XPO4: variants seen among roughly 807,000 people sequenced by gnomAD.
XPO4 encodes the protein exportin-4.
Under a neutral mutation model 143.0 loss-of-function variants are expected in XPO4, and 39 were observed. That is an observed-to-expected ratio of 0.27 (90% CI 0.21 to 0.36). XPO4 has a LOEUF of 0.36. Ranked by LOEUF, XPO4 falls within the 10% of genes least tolerant of loss-of-function variation. The pLI is 1.00. For missense variants in XPO4, 907 were observed against 1,348.0 expected, an observed-to-expected ratio of 0.67 and a Z score of 5.12; for synonymous variants, 439 against 474.0, an observed-to-expected ratio of 0.93 and a Z score of 0.96.
chr13:20,886,470 G>A (rs1339902384), intron 1 of XPO4, among the ~76,000 whole-genome samples: 4 of 151,962 alleles, frequency 2.6e-5, no homozygotes. Context: ...AAAATTAGTT[G>A]TAGTGGTGAC....
chr13:20,787,361 G>T, intron 21 of XPO4, 120 bp downstream of exon 21: 2 of 929,656 alleles, frequency 2.2e-6, no homozygotes, highest in Non-Finnish European at 3.4e-6. Context: ...TGAACAGGAA[G>T]TCATGGTTTC....
intron 1 of XPO4, among the ~76,000 whole-genome samples, chr13:20,876,235 C>G (rs2060351228): frequency 7.0e-6 from 1 of 143,016 alleles, no homozygotes; most frequent in Admixed American, 7.1e-5. Flanking sequence ...GCACTCTAGC[C>G]TGGACAATGA....
chr13:20,797,074 G>A lies in XPO4; in HGVS notation c.2323-17C>T, dbSNP rs1160346231. 5.2e-6 allele frequency: 8 copies of A among 1,549,536 alleles called. No homozygotes were observed. The highest frequency in any genetic ancestry group is 6.9e-6 in the Non-Finnish European group (8 of 1,151,332). On this transcript the variant is annotated splice_polypyrimidine_tract_variant and intron_variant, in intron 16 of 22. Coordinates refer to ENST00000255305, the MANE Select transcript of XPO4 (RefSeq NM_022459.5). Reference sequence around the variant, plus strand: ...CTGAAGAACCTATAAAAATAAACCAGGAATTTTCTTAAAGCTCAGTTCTCA... The same window carrying A: ...CTGAAGAACCTATAAAAATAAACCAAGAATTTTCTTAAAGCTCAGTTCTCA...
chr13:20,818,544 CAA>C (rs2059679411), intron 9 of XPO4, among the ~76,000 whole-genome samples: 1 of 152,134 alleles, frequency 6.6e-6, no homozygotes, highest in African/African-American at 2.4e-5. Flanking sequence ...CACAGTAAAA[CAA>C]AGTCTTACAT....
At chr13:20,858,778 G>GTA in intron 3 of XPO4, among the ~76,000 whole-genome samples, 1 of 152,148 alleles carries the variant, frequency 6.6e-6, no homozygotes, top group Middle Eastern at 3.4e-3. Context: ...GGCTGAGGCA[G>GTA]TAGAATCGCT....
rs978280763 is a variant in XPO4, at chr13:20,778,212, C to T, written c.*5510G>A. On this transcript the variant is annotated 3_prime_UTR_variant, in exon 23 of 23. Coordinates refer to ENST00000255305, the MANE Select transcript of XPO4 (RefSeq NM_022459.5). Reference sequence around the variant, plus strand: ...ACAGATGATTAGCCTGTGTGTATGGCCCCACACTTGGTAATGAAAGAAACA... The same window carrying T: ...ACAGATGATTAGCCTGTGTGTATGGTCCCACACTTGGTAATGAAAGAAACA... 7.2e-5 allele frequency: 11 copies of T among 152,228 alleles called. No homozygotes were observed. Among genetic ancestry groups the T allele is most frequent in the African/African-American group, 2.6e-4 (11 of 41,554 alleles). 9.4% of individuals were successfully genotyped at this position (152,228 alleles called of 1,614,324 possible).
At chr13:20,896,844 T>C (rs768053581) in intron 1 of XPO4, among the ~76,000 whole-genome samples, 1 of 152,238 alleles carries the variant, frequency 6.6e-6, no homozygotes, top group Non-Finnish European at 1.5e-5. Flanking sequence ...TGTTATCATA[T>C]TGAGAATTCC....
chr13:20,806,950 A>G (rs1243638507), intron 13 of XPO4, among the ~76,000 whole-genome samples: 1 of 152,136 alleles, frequency 6.6e-6, no homozygotes, highest in Non-Finnish European at 1.5e-5. Flanking sequence ...GAATCACCTC[A>G]TTTGAGGCAC....
rs1235724509 is a variant in XPO4, at chr13:20,777,635, TAAAGGTGTATTTGAAGCC to T, written c.*6069_*6086del. On this transcript the variant is annotated 3_prime_UTR_variant, in exon 23 of 23. Transcript: ENST00000255305. ...CTACTCAATACATCTTGGGCTTTCT[TAAAGGTGTATTTGAAGCC>T]TAAGATTAGGCAGAAATGAACATTA... 1 of 152,194 alleles carries T rather than the reference TAAAGGTGTATTTGAAGCC, an allele frequency of 6.6e-6. No individual in the cohort carries two copies. The highest frequency in any genetic ancestry group is 6.5e-5 in the Admixed American group (1 of 15,282). 9.4% of individuals were successfully genotyped at this position (152,194 alleles called of 1,614,324 possible).
At position 20,783,439 on chromosome 13, in the gene XPO4, A is replaced by C. The variant is rs1213305212; in HGVS notation, c.*283T>G. The C allele has an allele frequency of 6.8e-6, 3 of 441,472 alleles. No individual in the cohort carries two copies. In the Admixed American group the frequency reaches 1.1e-4, roughly 17 times the overall value. 27.3% of individuals were successfully genotyped at this position (441,472 alleles called of 1,614,324 possible). A position where few individuals can be genotyped will look rare whatever the true frequency, so the allele number is the denominator to read the frequency against. ...ACTGCATATGTATTTCGTGGTGCCC[A>C]TATCTGTTTGCACATATATGGAATT... On this transcript the variant is annotated 3_prime_UTR_variant, in exon 23 of 23. Coordinates refer to ENST00000255305, the MANE Select transcript of XPO4 (RefSeq NM_022459.5).
intron 4 of XPO4, among the ~76,000 whole-genome samples, chr13:20,847,663 A>G (rs2060041435): frequency 6.6e-6 from 1 of 152,108 alleles, no homozygotes. Context: ...AGAGCTAGAT[A>G]TTTTTCCATA....
Position 20,807,500 on chromosome 13 carries a change from C to A in XPO4, c.1774G>T (p.Ala592Ser). ...CTGTTGTACCCTGGGATGGAAGAAG[C>A]CTTTTCTCCTGGAGATCCCAAAATT... ...LQILGSPGEK[A>S]SSIPGYNRTD... The change falls in exon 13 of 23, where the codon GCT becomes TCT. Residue 592 changes from alanine to serine, a missense_variant. By Grantham distance (99) the Ala-to-Ser change is moderately conservative. Transcript: ENST00000255305. 6.2e-7 allele frequency: 1 copy of A among 1,613,600 alleles called. No individual in the cohort carries two copies. Among genetic ancestry groups the A allele is most frequent in the Non-Finnish European group, 8.5e-7 (1 of 1,179,800 alleles).
intron 2 of XPO4, chr13:20,863,196 C>T (rs760561480): frequency 8.4e-6 from 7 of 835,774 alleles, no homozygotes; most frequent in Non-Finnish European, 7.3e-6. Context: ...CTAAGATTCT[C>T]ACCCTGTGCA....
rs1421517218 is a variant in XPO4 at position 20,778,737 on chromosome 13, A to G, written c.*4985T>C. The G allele has an allele frequency of 6.6e-6, 1 of 152,216 alleles. No individual in the cohort carries two copies. Among genetic ancestry groups the G allele is most frequent in the Non-Finnish European group, 1.5e-5 (1 of 68,030 alleles). The allele number at this position is 152,216 out of a possible 1,614,324, so 9.4% of individuals were successfully genotyped here. ...CAGATGTCTTCATTTTTTTAAATTT[A>G]AAATTATTTTAGGACCGTGTAATGT... On this transcript the variant is annotated 3_prime_UTR_variant, in exon 23 of 23. Transcript: ENST00000255305.
rs569728283 is a variant in XPO4 at position 20,855,142 on chromosome 13, T to C, written c.456+485A>G. Among the ~76,000 whole-genome samples the C allele has an allele frequency of 5.3e-5, 8 of 152,294 alleles. No homozygotes were observed. In the East Asian group the frequency reaches 1.5e-3, roughly 29 times the overall value. ...ACGAAAAAGCAAAGTACACTGCATT[T>C]ATATTATGTACATATATATTTAAAA... On this transcript the variant is annotated intron_variant, in intron 4 of 22. Transcript: ENST00000255305.
At chr13:20,859,062 T>C (rs1377341264) in intron 3 of XPO4, among the ~76,000 whole-genome samples, 1 of 151,832 alleles carries the variant, frequency 6.6e-6, no homozygotes, top group Admixed American at 6.6e-5. Context: ...CCAGGTACGG[T>C]GGTTCATTCC....
chr13:20,887,138 C>G (rs535211192), intron 1 of XPO4, among the ~76,000 whole-genome samples: 2 of 152,102 alleles, frequency 1.3e-5, no homozygotes, highest in Non-Finnish European at 2.9e-5. Context: ...AATTCCAATC[C>G]TATACAGATT....
At chr13:20,817,405 C>T (rs146947711) in intron 9 of XPO4, among the ~76,000 whole-genome samples, 220 of 152,326 alleles carry the variant, frequency 1.4e-3, no homozygotes, top group Middle Eastern at 6.8e-3. Flanking sequence ...TAATCAACTT[C>T]CTAAAAACTT....
At chr13:20,796,398 C>A in intron 17 of XPO4, 142 bp from the exon 18 acceptor site, 2 of 674,272 alleles carry the variant, frequency 3.0e-6, no homozygotes, top group East Asian at 3.1e-5. Context: ...ACAATAATTT[C>A]TAGAAAGCAT....
Sources: gnomAD v4.1 joint callset for allele counts (sites outside exome capture counted in the v4.1 genomes callset) on GRCh38, gnomAD v4.1.1 for gene constraint, MANE v1.5 for transcripts, NCBI Gene and HGNC (gene_info 2026-07-23, HGNC 2026-07-21) for gene names.